The following DIAPH3 variants were observed in gnomAD, a reference collection of about 807,000 sequenced individuals.
The protein encoded by DIAPH3 is protein diaphanous homolog 3.
DIAPH3 carries 117 observed loss-of-function variants against 144.3 expected under a neutral mutation model. That is an observed-to-expected ratio of 0.81 (90% confidence interval 0.70 to 0.95). DIAPH3 has a LOEUF of 0.95. Among genes scored for constraint, DIAPH3 ranks in the 40% least tolerant of loss-of-function variants. The probability of loss-of-function intolerance (pLI) is 0.00; values close to 1 mark genes in which losing one functional copy is unlikely to be tolerated. For synonymous variants in DIAPH3, 519 were observed against 488.9 expected (o/e 1.06, Z -0.81); for missense variants, 1,421 against 1,412.7 (o/e 1.01, Z -0.09).
At chr13:59,996,374 T>C (rs909707166) in intron 9 of DIAPH3, among the ~76,000 whole-genome samples, 1 of 152,106 alleles carries the variant, frequency 6.6e-6, no homozygotes, top group African/African-American at 2.4e-5. Context: ...CAAATTCAAT[T>C]CTAATGGTTT....
At chr13:60,117,698 G>C (rs1045594863) in intron 2 of DIAPH3, among the ~76,000 whole-genome samples, 2 of 152,074 alleles carry the variant, frequency 1.3e-5, no homozygotes, top group Non-Finnish European at 2.9e-5. Flanking sequence ...ATCTATCTTT[G>C]ATGAAATTGC....
chr13:60,161,369 T>C (rs1038824182), intron 1 of DIAPH3, among the ~76,000 whole-genome samples: 5 of 152,084 alleles, frequency 3.3e-5, no homozygotes, highest in Non-Finnish European at 7.4e-5. Context: ...TCCCTCTCCA[T>C]CCAAAAAACA....
intron 9 of DIAPH3, among the ~76,000 whole-genome samples, chr13:60,007,214 G>C (rs950691046): frequency 6.6e-6 from 1 of 151,950 alleles, no homozygotes; most frequent in Non-Finnish European, 1.5e-5. Context: ...ATCATGCCCG[G>C]CTAATTTTTG....
At chr13:59,945,706 A>G (rs1038830738) in intron 17 of DIAPH3, among the ~76,000 whole-genome samples, 4 of 152,122 alleles carry the variant, frequency 2.6e-5, no homozygotes, top group Non-Finnish European at 2.9e-5. Flanking sequence ...ATAGTCCTTA[A>G]GCACAAAGCT....
At chr13:59,919,369 A>T (rs974051073) in intron 18 of DIAPH3, among the ~76,000 whole-genome samples, 2 of 152,156 alleles carry the variant, frequency 1.3e-5, no homozygotes, top group African/African-American at 4.8e-5. Flanking sequence ...ATTATAATCA[A>T]ACTGTCAAAG....
chr13:59,858,968 C>G (rs993474585), intron 22 of DIAPH3, among the ~76,000 whole-genome samples: 3 of 151,980 alleles, frequency 2.0e-5, no homozygotes, highest in Non-Finnish European at 4.4e-5. Flanking sequence ...GCCTCAAAAA[C>G]AAAGGTACTT....
chr13:59,783,521 T>G (rs1438319431), intron 25 of DIAPH3, among the ~76,000 whole-genome samples: 1 of 152,190 alleles, frequency 6.6e-6, no homozygotes, highest in Non-Finnish European at 1.5e-5. Context: ...CACTAATACA[T>G]TCAACTTAGA....
chr13:60,070,282 ATT>A (rs61432510), intron 4 of DIAPH3, among the ~76,000 whole-genome samples: 1,478 of 132,444 alleles, frequency 0.011, 7 homozygotes, highest in Non-Finnish European at 0.018. Flanking sequence ...TTTCTGTTGG[ATT>A]TTTTTTTTTT....
chr13:59,913,374 A>G (rs946121136), intron 19 of DIAPH3, among the ~76,000 whole-genome samples: 1 of 152,200 alleles, frequency 6.6e-6, no homozygotes, highest in African/African-American at 2.4e-5. Context: ...CTGCACAGAC[A>G]GGCACGCATG....
chr13:59,875,305 A>C (rs2140028022), intron 21 of DIAPH3, among the ~76,000 whole-genome samples: 1 of 152,322 alleles, frequency 6.6e-6, no homozygotes, highest in South Asian at 2.1e-4. Context: ...AATGACAAGC[A>C]GTCCTCCATT....
intron 17 of DIAPH3, among the ~76,000 whole-genome samples, chr13:59,938,653 C>T (rs2048372845): frequency 6.6e-6 from 1 of 152,000 alleles, no homozygotes; most frequent in African/African-American, 2.4e-5. Context: ...ACATACAGAC[C>T]TCTTTTCCAC....
intron 20 of DIAPH3, among the ~76,000 whole-genome samples, chr13:59,904,645 T>TAA (rs140839041): frequency 6.6e-5 from 10 of 151,404 alleles, no homozygotes; most frequent in Non-Finnish European, 1.3e-4. Flanking sequence ...AATGCGTCCC[T>TAA]AAAAAAAAAT....
At chr13:59,987,490 GA>G (rs58336587) in intron 12 of DIAPH3, among the ~76,000 whole-genome samples, 312 of 66,286 alleles carry the variant, frequency 4.7e-3, no homozygotes, top group African/African-American at 0.014. Context: ...AAAAAAAAAA[GA>G]AAAAAAAAAA....
intron 8 of DIAPH3, 80 bp downstream of exon 8, chr13:60,010,453 A>T: frequency 7.3e-7 from 1 of 1,366,132 alleles, no homozygotes; most frequent in Non-Finnish European, 1.0e-6. Context: ...ATTCTAGCCT[A>T]GAGTAGATAA....
At chr13:59,959,352 C>A (rs1442243937) in intron 17 of DIAPH3, among the ~76,000 whole-genome samples, 1 of 152,152 alleles carries the variant, frequency 6.6e-6, no homozygotes, top group African/African-American at 2.4e-5. Context: ...TGTTCCACAG[C>A]CTCTGCTGCC....
At chr13:60,067,659 G>A (rs1356698808) in intron 4 of DIAPH3, among the ~76,000 whole-genome samples, 1 of 152,110 alleles carries the variant, frequency 6.6e-6, no homozygotes, top group Non-Finnish European at 1.5e-5. Context: ...ATGGCATTCT[G>A]AAATCCTTTA....
At chr13:59,762,050 A>ACCTTTTTTTTTTTTTTTTTTTT in intron 27 of DIAPH3, among the ~76,000 whole-genome samples, 1 of 118,990 alleles carries the variant, frequency 8.4e-6, no homozygotes, top group African/African-American at 3.0e-5. Flanking sequence ...AAGCGTCAGC[A>ACCTTTTTTTTTTTTTTTTTTTT]TCTTTTTTTT....
chr13:59,973,510 T>C (rs190764264), intron 15 of DIAPH3, among the ~76,000 whole-genome samples: 44 of 152,194 alleles, frequency 2.9e-4, no homozygotes, highest in East Asian at 1.9e-3. Flanking sequence ...TTCTTGTAGA[T>C]AGGAGATTTT....
At chr13:59,879,165 A>G in intron 21 of DIAPH3, 64 bp downstream of exon 21, 1 of 1,608,164 alleles carries the variant, frequency 6.2e-7, no homozygotes, top group Non-Finnish European at 8.5e-7. Flanking sequence ...AAATAATGCA[A>G]TCAGGGCTGA....
Sources: allele counts gnomAD v4.1 joint callset (sites outside exome capture counted in the v4.1 genomes callset), GRCh38; gene constraint gnomAD v4.1.1; transcripts MANE v1.5; gene names NCBI Gene and HGNC (gene_info 2026-07-23, HGNC 2026-07-21).